Variants in F8 observed in about 807,000 individuals in gnomAD.
F8 encodes the protein antihemophilic factor.
F8 carries 12 observed loss-of-function variants against 140.6 expected under a neutral mutation model. That is an observed-to-expected ratio of 0.09 (90% CI 0.05 to 0.14). The LOEUF (loss-of-function observed/expected upper bound fraction) is 0.14, where lower values mean the gene tolerates loss of function less well. Among genes scored for constraint, F8 ranks in the 10% least tolerant of loss-of-function variants. The pLI, the probability that F8 is intolerant of heterozygous loss-of-function variation, is 1.00. For missense variants in F8, 1,354 were observed against 1,720.7 expected, an observed-to-expected ratio of 0.79 and a Z score of 3.77; for synonymous variants, 585 against 614.6, an observed-to-expected ratio of 0.95 and a Z score of 0.71.
intron 22 of F8, among the ~76,000 whole-genome samples, chrX:154,874,893 A>G (rs2072800580): frequency 8.9e-6 from 1 of 111,898 alleles, no homozygotes; most frequent in South Asian, 3.7e-4. Flanking sequence ...GAATATCTGC[A>G]CTCCCATGTT....
Position 154,931,140 on chromosome X carries a change from T to C in F8, c.2650A>G (p.Thr884Ala). The change falls in exon 14 of 26, where the codon ACA becomes GCA. Residue 884 changes from threonine to alanine, a missense_variant. Thr to Ala is a moderately conservative substitution (Grantham distance 58). Around this residue, in one of 4 missense-constraint regions of F8, gnomAD observed 658 missense variants for 666.5 expected, o/e 0.99. Coordinates refer to ENST00000360256, the MANE Select transcript of F8 (RefSeq NM_000132.4). ...LQLRLNEKLGTTAATELKKLD... is the reference protein window; with the variant it reads ...LQLRLNEKLGATAATELKKLD... ...TTCTTCAACTCTGTTGCTGCAGTTGTCCCCAGTTTCTCATTTAATCTTAAT... is the reference window on the plus strand; with the variant it reads ...TTCTTCAACTCTGTTGCTGCAGTTGCCCCCAGTTTCTCATTTAATCTTAAT... The C allele has an allele frequency of 2.5e-6, 3 of 1,211,278 alleles. No homozygotes were observed. Among genetic ancestry groups the C allele is most frequent in the Non-Finnish European group, 2.2e-6 (2 of 895,234 alleles).
chrX:154,938,005 T>G (rs190532274), intron 13 of F8, among the ~76,000 whole-genome samples: 86 of 112,056 alleles, frequency 7.7e-4, no homozygotes, highest in African/African-American at 2.7e-3. Flanking sequence ...TATAAGATAG[T>G]ATGTTACTGG....
chrX:155,012,891 A>C (rs2073713409), intron 1 of F8, among the ~76,000 whole-genome samples: 1 of 110,345 alleles, frequency 9.1e-6, no homozygotes, highest in Non-Finnish European at 1.9e-5. Context: ...TCACGCTTGT[A>C]ATCCCAGCAC....
At chrX:154,851,697 T>C (rs956644298) in intron 25 of F8, among the ~76,000 whole-genome samples, 1 of 111,938 alleles carries the variant, frequency 8.9e-6, no homozygotes, top group Non-Finnish European at 1.9e-5. Context: ...GTTGGATCCT[T>C]GTATATCTTC....
At chrX:154,860,786 C>T (rs1373240865) in intron 24 of F8, among the ~76,000 whole-genome samples, 178 bp from the exon 25 acceptor site, 2 of 111,913 alleles carry the variant, frequency 1.8e-5, no homozygotes, top group South Asian at 3.7e-4. Flanking sequence ...TGAACCTCTG[C>T]CTCCCGAGTT....
chrX:154,940,425 A>T (rs1476873030), intron 13 of F8, among the ~76,000 whole-genome samples: 1 of 112,222 alleles, frequency 8.9e-6, no homozygotes, highest in African/African-American at 3.2e-5. Flanking sequence ...GCAATGGAAG[A>T]TGAAATGAAT....
At chrX:155,000,481 CT>C (rs1485659189) in intron 1 of F8, among the ~76,000 whole-genome samples, 1 of 112,275 alleles carries the variant, frequency 8.9e-6, no homozygotes, top group Non-Finnish European at 1.9e-5. Flanking sequence ...GGACATCTAA[CT>C]TTTATCTCCC....
chrX:154,954,180 T>C, intron 11 of F8, 138 bp from the exon 12 acceptor site: 1 of 662,987 alleles, frequency 1.5e-6, no homozygotes. Context: ...CTCTTAGGCA[T>C]GTACCAGGGC....
At chrX:154,965,924 C>A (rs2073420581) in intron 9 of F8, 46 bp downstream of exon 9, 2 of 1,173,943 alleles carry the variant, frequency 1.7e-6, no homozygotes, top group African/African-American at 3.5e-5. Flanking sequence ...CAAAACTCTC[C>A]AGACTTTTTC....
Position 154,930,449 on chromosome X carries a change from G to A in F8, c.3341C>T (p.Ser1114Leu), listed in dbSNP as rs1259560068. Reference protein sequence around the residue: ...IPPDAQNPDMSFFKMLFLPES... With the variant: ...IPPDAQNPDMLFFKMLFLPES... ...TGGCAAGAATAGCATCTTAAAGAAC[G>A]ACATATCTGGATTTTGTGCATCTGG... The change falls in exon 14 of 26, where the codon TCG becomes TTG. Residue 1114 changes from serine to leucine, a missense_variant. By Grantham distance (145) the Ser-to-Leu change is moderately radical. Coordinates refer to ENST00000360256, the MANE Select transcript of F8 (RefSeq NM_000132.4). 16 of 1,209,289 alleles carry A rather than the reference G, an allele frequency of 1.3e-5. No homozygotes were observed. Among genetic ancestry groups the A allele is most frequent in the Admixed American group, 6.6e-5 (3 of 45,716 alleles).
chrX:154,856,481 C>A (rs929843769), intron 25 of F8, among the ~76,000 whole-genome samples: 4 of 112,465 alleles, frequency 3.6e-5, no homozygotes, highest in African/African-American at 1.3e-4. Flanking sequence ...CTTGCACAGA[C>A]CTATGGTGTT....
At position 154,919,261 on chromosome X, in the gene F8, T is replaced by A. The variant is rs371369442; in HGVS notation, c.5219+9310A>T. On this transcript the variant is annotated intron_variant, in intron 14 of 25. Coordinates refer to ENST00000360256, the MANE Select transcript of F8 (RefSeq NM_000132.4). ...TATCCACATATTTAACTTTGTTTGCTCTTTATCCCATCTTGTCTCTCATGC... is the reference window on the plus strand; with the variant it reads ...TATCCACATATTTAACTTTGTTTGCACTTTATCCCATCTTGTCTCTCATGC... Among the ~76,000 whole-genome samples, 7 of 111,981 alleles carry A rather than the reference T, an allele frequency of 6.3e-5. No individual in the cohort carries two copies. The South Asian group carries it at 1.9e-3, about 30-fold the overall frequency.
chrX:154,927,926 C>T (rs992451369), intron 14 of F8, among the ~76,000 whole-genome samples: 3 of 111,694 alleles, frequency 2.7e-5, no homozygotes, highest in African/African-American at 3.3e-5. Flanking sequence ...AACACTCTAC[C>T]GTATTACTCT....
chrX:154,928,670 G>A lies in F8; in HGVS notation c.5120C>T (p.Pro1707Leu), dbSNP rs375988370. Residue 1707 changes from proline to leucine, a missense_variant, in exon 14 of 26, where the codon CCC becomes CTC. Physicochemically the swap from Pro to Leu is moderately conservative, Grantham distance 98. Coordinates refer to ENST00000360256, the MANE Select transcript of F8 (RefSeq NM_000132.4). The stretch of plus-strand genomic sequence containing the variant: ...TCGTGTTTTCTTTTGAAAGCTGCGG[G>A]GGCTCTGATTTTCATCCTCATCATA... ...DIYDEDENQS[P>L]RSFQKKTRHY... 59 of 1,208,002 alleles carry A rather than the reference G, an allele frequency of 4.9e-5. No individual in the cohort carries two copies. The highest frequency in any genetic ancestry group is 2.0e-4 in the Admixed American group (9 of 45,461).
Position 154,930,357 on chromosome X carries a change from G to C in F8, c.3433C>G (p.Pro1145Ala). Residue 1145 changes from proline (P) to alanine (A), a missense_variant, in exon 14 of 26, where the codon CCA (proline) becomes GCA (alanine). Pro to Ala is a conservative substitution (Grantham distance 27). Coordinates refer to ENST00000360256, the MANE Select transcript of F8 (RefSeq NM_000132.4). ...GGTCCTAAGGATACTAATTGCTTTG[G>C]ACTGGGGCCTTGCCCAGAGTTCAGA... ...NSLNSGQGPS[P>A]KQLVSLGPEK... 8.3e-7 allele frequency: 1 copy of C among 1,210,079 alleles called. No homozygotes were observed. The highest frequency in any genetic ancestry group is 1.1e-6 in the Non-Finnish European group (1 of 894,371).
At chrX:154,876,163 A>T (rs1381592965) in intron 22 of F8, among the ~76,000 whole-genome samples, 1 of 91,522 alleles carries the variant, frequency 1.1e-5, no homozygotes, top group Non-Finnish European at 2.1e-5. Flanking sequence ...TCTGTCGCCC[A>T]GGCTGGAGTG....
intron 25 of F8, among the ~76,000 whole-genome samples, chrX:154,847,086 T>C (rs2072573114): frequency 8.9e-6 from 1 of 111,739 alleles, no homozygotes; most frequent in Non-Finnish European, 1.9e-5. Context: ...GAAAATTCTT[T>C]TCTTTAAGAA....
rs2073766168 is a variant in F8 at position 155,022,660 on chromosome X, A to C, written c.-108T>G. On this transcript the variant is annotated 5_prime_UTR_variant, in exon 1 of 26. Coordinates refer to ENST00000360256, the MANE Select transcript of F8 (RefSeq NM_000132.4). ...AAGTAAAATTTCTGATTTAATGAAAAGTCCCAATTTCTTTGCAGAGCATTT... is the reference window on the plus strand; with the variant it reads ...AAGTAAAATTTCTGATTTAATGAAACGTCCCAATTTCTTTGCAGAGCATTT... 5.1e-6 allele frequency: 6 copies of C among 1,182,064 alleles called. No individual in the cohort carries two copies. The Admixed American group carries it at 6.9e-5, about 14-fold the overall frequency.
chrX:154,904,569 C>T, intron 16 of F8, 45 bp from the exon 17 acceptor site: 7 of 1,092,601 alleles, frequency 6.4e-6, no homozygotes, highest in Non-Finnish European at 8.9e-6. Context: ...GCTCTCTCAC[C>T]TATGAACCAG....
Sources: gnomAD v4.1 joint callset for allele counts (sites outside exome capture counted in the v4.1 genomes callset) on GRCh38, gnomAD v4.1.1 for gene constraint, gnomAD v4.1.1 regional missense constraint, MANE v1.5 for transcripts, NCBI Gene and HGNC (gene_info 2026-07-23, HGNC 2026-07-21) for gene names.